The following LMX1B variants were observed in gnomAD, a reference collection of about 807,000 sequenced individuals.
LMX1B encodes LIM homeobox transcription factor 1 beta.
In LMX1B, 12 loss-of-function variants were observed where a neutral mutation model predicts 51.4. That is an observed-to-expected ratio of 0.23 (90% CI 0.15 to 0.38). The LOEUF is 0.38. LMX1B is among the 10% of genes least tolerant of loss of function. The probability of loss-of-function intolerance (pLI) is 1.00; values close to 1 mark genes in which losing one functional copy is unlikely to be tolerated. For missense variants in LMX1B, 445 were observed against 571.1 expected, an observed-to-expected ratio of 0.78 and a Z score of 2.25; for synonymous variants, 237 against 235.4, an observed-to-expected ratio of 1.01 and a Z score of -0.06.
At position 126,693,613 on chromosome 9, in the gene LMX1B, C is replaced by T. The variant is rs1456192241; in HGVS notation, c.819+12C>T. 1.9e-6 allele frequency: 3 copies of T among 1,613,520 alleles called. No homozygotes were observed. Among genetic ancestry groups the T allele is most frequent in the Non-Finnish European group, 2.5e-6 (3 of 1,179,486 alleles). ...ACCAAAGAGCAAAGGTAAGAGGCCA[C>T]CCCCCATCCCCACTGGCCCCGGGTA... On this transcript the variant is annotated intron_variant, in intron 5 of 7. Transcript: ENST00000373474.
chr9:126,622,355 G>A (rs989157929), intron 2 of LMX1B, among the ~76,000 whole-genome samples: 2 of 152,220 alleles, frequency 1.3e-5, no homozygotes, highest in Non-Finnish European at 2.9e-5. Context: ...GGAACTGTGG[G>A]GAGGTGGCTA....
rs1835642319 is a variant in LMX1B at position 126,631,863 on chromosome 9, C to T, written c.326+16294C>T. Among the ~76,000 whole-genome samples the T allele has an allele frequency of 3.3e-5, 5 of 152,264 alleles. No individual in the cohort carries two copies. The South Asian group carries it at 1.0e-3, about 32-fold the overall frequency. On this transcript the variant is annotated intron_variant, in intron 2 of 7. Transcript: ENST00000373474. ...AGGATGATTCAGAGGGAGCAGATGC[C>T]ATTCCTCTTTAGGTGAGTGGTTCCT...
At chr9:126,667,459 C>T (rs1487998077) in intron 2 of LMX1B, among the ~76,000 whole-genome samples, 2 of 152,210 alleles carry the variant, frequency 1.3e-5, no homozygotes, top group East Asian at 1.9e-4. Context: ...TATCTTTGTG[C>T]GCATGTGCCG....
At chr9:126,632,496 T>C (rs1835651101) in intron 2 of LMX1B, among the ~76,000 whole-genome samples, 1 of 152,140 alleles carries the variant, frequency 6.6e-6, no homozygotes, top group African/African-American at 2.4e-5. Flanking sequence ...CGTTTGGATT[T>C]TATCCTGTGG....
At chr9:126,623,182 G>T (rs550762676) in intron 2 of LMX1B, among the ~76,000 whole-genome samples, 1 of 152,332 alleles carries the variant, frequency 6.6e-6, no homozygotes, top group East Asian at 1.9e-4. Flanking sequence ...TTGGGAGCCT[G>T]TGTTTTTATT....
chr9:126,691,690 TC>T (rs1429403100), intron 3 of LMX1B, among the ~76,000 whole-genome samples: 2 of 151,894 alleles, frequency 1.3e-5, no homozygotes, highest in Non-Finnish European at 2.9e-5. Flanking sequence ...CAGCACCCAG[TC>T]CACAGGCTGG....
At chr9:126,659,598 G>T (rs144924088) in intron 2 of LMX1B, among the ~76,000 whole-genome samples, 38 of 152,260 alleles carry the variant, frequency 2.5e-4, no homozygotes, top group African/African-American at 4.8e-4. Flanking sequence ...TCCTGTATGT[G>T]TGTCTATACT....
intron 2 of LMX1B, among the ~76,000 whole-genome samples, chr9:126,661,717 AGGCACCTGAGAATGCCAG>A (rs1402524238): frequency 6.6e-6 from 1 of 151,918 alleles, no homozygotes; most frequent in Admixed American, 6.5e-5. Context: ...CGAGTTGAGC[AGGCACCTGAGAATGCCAG>A]GCCCCAGTGG....
chr9:126,689,418 A>G (rs565502408), intron 2 of LMX1B, among the ~76,000 whole-genome samples: 1 of 152,354 alleles, frequency 6.6e-6, no homozygotes, highest in South Asian at 2.1e-4. Flanking sequence ...GGTGGGCCAT[A>G]AAGAGGGATG....
At position 126,696,018 on chromosome 9, in the gene LMX1B, C is replaced by CG; in HGVS notation, c.1051+15_1051+16insG. The CG allele has an allele frequency of 7.2e-7, 1 of 1,388,534 alleles. No individual in the cohort carries two copies. Among genetic ancestry groups the CG allele is most frequent in the Non-Finnish European group, 9.6e-7 (1 of 1,044,322 alleles). 86.0% of individuals were successfully genotyped at this position (1,388,534 alleles called of 1,614,324 possible). A position where few individuals can be genotyped will look rare whatever the true frequency, so the allele number is the denominator to read the frequency against. On this transcript the variant is annotated intron_variant, in intron 7 of 7. Transcript: ENST00000373474. ...GAACCCCTATGGTAAGCCGCCCTAC[C>CG]CCCACCCGCCCGCCCCAGCACAGCC...
chr9:126,614,497 C>T lies in LMX1B; in HGVS notation c.48C>T (p.Arg16=). Residue 16 remains arginine (R), a synonymous_variant, in exon 1 of 8, where the codon CGC becomes CGT. Transcript: ENST00000373474. ...GPESLERCFP[R]GQTDCAKMLD... The stretch of plus-strand genomic sequence containing the variant: ...AGTCGCTGGAGAGGTGCTTCCCTCG[C>T]GGGCAGACGGACTGCGCCAAGATGT... 6.2e-7 allele frequency: 1 copy of T among 1,605,264 alleles called. No individual in the cohort carries two copies. Among genetic ancestry groups the T allele is most frequent in the Non-Finnish European group, 8.5e-7 (1 of 1,176,728 alleles).
chr9:126,676,852 T>G (rs1439709463), intron 2 of LMX1B, among the ~76,000 whole-genome samples: 1 of 152,164 alleles, frequency 6.6e-6, no homozygotes, highest in African/African-American at 2.4e-5. Flanking sequence ...GGGGAAAGGG[T>G]TAAAGCTAGG....
chr9:126,680,957 G>A (rs754041865), intron 2 of LMX1B, among the ~76,000 whole-genome samples: 1 of 152,172 alleles, frequency 6.6e-6, no homozygotes, highest in African/African-American at 2.4e-5. Flanking sequence ...TCAGAGGGAT[G>A]TGATGCTCCA....
At chr9:126,660,234 G>A (rs958220432) in intron 2 of LMX1B, among the ~76,000 whole-genome samples, 8 of 150,636 alleles carry the variant, frequency 5.3e-5, no homozygotes, top group African/African-American at 2.0e-4. Context: ...TGGCCTTAGA[G>A]ATTGTTCTGT....
chr9:126,614,574 TG>T lies in LMX1B; in HGVS notation c.130del (p.Val44CysfsTer25). The T allele has an allele frequency of 1.2e-6, 2 of 1,600,508 alleles. No individual in the cohort carries two copies. The highest frequency in any genetic ancestry group is 2.3e-5 in the East Asian group (1 of 44,128). Reference protein sequence around the residue: ...EHALRPGPATLGVLLGSDCPH... With the variant: ...EHALRPGPATXGVLLGSDCPH... ...GCCCTGCGCCCCGGGCCCGCCACTC[TG>T]GGGGTGCTGCTGGGTGAGTGCGGGG... On this transcript the variant is annotated frameshift_variant, in exon 1 of 8. Transcript: ENST00000373474. LOFTEE classifies it high-confidence loss of function.
chr9:126,692,171 C>G (rs747160903), intron 3 of LMX1B, among the ~76,000 whole-genome samples: 1 of 152,338 alleles, frequency 6.6e-6, no homozygotes, highest in Admixed American at 6.5e-5. Flanking sequence ...TCTGTCCCTA[C>G]CCATCCCTGG....
intron 2 of LMX1B, among the ~76,000 whole-genome samples, chr9:126,632,139 C>T (rs184189044): frequency 2.3e-3 from 355 of 152,332 alleles, no homozygotes; most frequent in South Asian, 0.018. Flanking sequence ...CGTAAAGAAC[C>T]TACCTTCCAG....
At chr9:126,648,010 T>C (rs1434126269) in intron 2 of LMX1B, among the ~76,000 whole-genome samples, 1 of 152,230 alleles carries the variant, frequency 6.6e-6, no homozygotes, top group African/African-American at 2.4e-5. Context: ...CCCTGGGTGA[T>C]GGGAAAGGCA....
In LMX1B at chr9:126,625,157, C is replaced by G. The variant is rs761634559; in HGVS notation, c.326+9588C>G. Among the ~76,000 whole-genome samples, 1 of 152,222 alleles carries G rather than the reference C, an allele frequency of 6.6e-6. No individual in the cohort carries two copies. Among genetic ancestry groups the G allele is most frequent in the Non-Finnish European group, 1.5e-5 (1 of 68,048 alleles). ...AAGCCGAGCACCTTACAACCGTGTC[C>G]CCTCCACCCCTTCCGAGGACGGCGG... On this transcript the variant is annotated intron_variant, in intron 2 of 7. Transcript: ENST00000373474. The surrounding 1 kb of genome is among the most constrained non-coding windows in gnomAD (Gnocchi z 5.3).
Sources: gnomAD v4.1 joint callset for allele counts (sites outside exome capture counted in the v4.1 genomes callset) on GRCh38, gnomAD v4.1.1 for gene constraint, Gnocchi (gnomAD v3.1) non-coding constraint, MANE v1.5 for transcripts, NCBI Gene and HGNC (gene_info 2026-07-23, HGNC 2026-07-21) for gene names.